EFCAB6: variants seen among roughly 807,000 people sequenced by gnomAD.
EFCAB6 encodes EF-hand calcium-binding domain-containing protein 6.
Under a neutral mutation model 169.8 loss-of-function variants are expected in EFCAB6, and 156 were observed. That is an observed-to-expected ratio of 0.92 (90% CI 0.81 to 1.05). The LOEUF (loss-of-function observed/expected upper bound fraction) is 1.05, where lower values mean the gene tolerates loss of function less well. Among genes scored for constraint, EFCAB6 ranks in the 50% least tolerant of loss-of-function variants. The probability of loss-of-function intolerance (pLI) is 0.00; values close to 1 mark genes in which losing one functional copy is unlikely to be tolerated. For synonymous variants in EFCAB6, 698 were observed against 676.4 expected, an observed-to-expected ratio of 1.03 and a Z score of -0.50; for missense variants, 1,800 against 1,829.1, an observed-to-expected ratio of 0.98 and a Z score of 0.29.
At chr22:43,775,034 G>A (rs2061594795) in intron 3 of EFCAB6, among the ~76,000 whole-genome samples, 1 of 152,046 alleles carries the variant, frequency 6.6e-6, no homozygotes, top group Non-Finnish European at 1.5e-5. Flanking sequence ...CTTAGGAGAG[G>A]AGTGACACAG....
intron 26 of EFCAB6, among the ~76,000 whole-genome samples, chr22:43,561,167 G>A (rs1434915677): frequency 6.6e-6 from 1 of 152,086 alleles, no homozygotes; most frequent in Non-Finnish European, 1.5e-5. Flanking sequence ...GACCAGCCTG[G>A]CCAATACAGC....
Position 43,537,335 on chromosome 22 carries a change from G to T in EFCAB6, c.4048+42C>A. 1 of 1,603,150 alleles carries T rather than the reference G, an allele frequency of 6.2e-7. No individual in the cohort carries two copies. Among genetic ancestry groups the T allele is most frequent in the African/African-American group, 1.3e-5 (1 of 74,796 alleles). On this transcript the variant is annotated intron_variant, in intron 29 of 31. Coordinates refer to ENST00000262726, the MANE Select transcript of EFCAB6 (RefSeq NM_022785.4). The surrounding 1 kb of genome is among the most constrained non-coding windows in gnomAD (Gnocchi z 4.3). ...CAGTGGGAACAGCCTCTTGCCACAG[G>T]GGCTGACCACATATTACCAAGCAGA...
In EFCAB6 at chr22:43,760,908, C is replaced by A. The variant is rs191113292; in HGVS notation, c.440+4397G>T. Reference sequence around the variant, plus strand: ...GAACTCCTAACCTCAAGTGATCCACCCGCCTTGGCCTCCCAAACATTTTGA... The same window carrying A: ...GAACTCCTAACCTCAAGTGATCCACACGCCTTGGCCTCCCAAACATTTTGA... On this transcript the variant is annotated intron_variant, in intron 5 of 31. Transcript: ENST00000262726. Among the ~76,000 whole-genome samples the A allele has an allele frequency of 3.1e-3, 471 of 152,310 alleles. 3 individuals carry two copies. Among genetic ancestry groups the A allele is most frequent in the African/African-American group, 0.011 (456 of 41,568 alleles).
intron 17 of EFCAB6, among the ~76,000 whole-genome samples, chr22:43,658,338 AG>A (rs1427214538): frequency 1.3e-5 from 2 of 152,216 alleles, no homozygotes; most frequent in Admixed American, 6.5e-5. Flanking sequence ...GAGGCGACCT[AG>A]GGATGTGTGA....
At chr22:43,741,334 C>T (rs994557774) in intron 6 of EFCAB6, among the ~76,000 whole-genome samples, 1 of 152,060 alleles carries the variant, frequency 6.6e-6, no homozygotes, top group Non-Finnish European at 1.5e-5. Context: ...CTTTATCTGC[C>T]CCTTTTCACT....
intron 23 of EFCAB6, among the ~76,000 whole-genome samples, chr22:43,590,902 G>A (rs1264980559): frequency 6.6e-6 from 1 of 152,194 alleles, no homozygotes; most frequent in Non-Finnish European, 1.5e-5. Flanking sequence ...GAAGGGCAGT[G>A]AGCGAAGAGT....
At chr22:43,636,203 G>T (rs2055383422) in intron 17 of EFCAB6, among the ~76,000 whole-genome samples, 1 of 152,204 alleles carries the variant, frequency 6.6e-6, no homozygotes, top group Admixed American at 6.5e-5. Flanking sequence ...TGAAGAAAGT[G>T]TGTTGAGGGG....
At chr22:43,644,164 T>A (rs1412337418) in intron 17 of EFCAB6, among the ~76,000 whole-genome samples, 2 of 152,194 alleles carry the variant, frequency 1.3e-5, no homozygotes, top group African/African-American at 4.8e-5. Context: ...TGGACCTGCT[T>A]TATGTAGATT....
chr22:43,699,438 G>A (rs761383653), intron 10 of EFCAB6, among the ~76,000 whole-genome samples: 2 of 152,066 alleles, frequency 1.3e-5, no homozygotes, highest in Admixed American at 6.5e-5. Context: ...CCCCCTGTTC[G>A]TATCCCTGAG....
intron 23 of EFCAB6, among the ~76,000 whole-genome samples, chr22:43,596,642 A>G (rs1844751967): frequency 6.6e-6 from 1 of 152,132 alleles, no homozygotes; most frequent in Non-Finnish European, 1.5e-5. Flanking sequence ...TCATGGATTG[A>G]AAGAATTAAT....
intron 10 of EFCAB6, among the ~76,000 whole-genome samples, chr22:43,690,343 C>CAAAAAAAA (rs137802): frequency 6.1e-4 from 58 of 95,804 alleles, no homozygotes; most frequent in African/African-American, 2.1e-3. Flanking sequence ...ACTAAAAATA[C>CAAAAAAAA]AAAAAAAAAA....
intron 27 of EFCAB6, among the ~76,000 whole-genome samples, chr22:43,542,238 TCTCCTCTTCTAACAGGGTGG>T (rs2047774898): frequency 6.6e-6 from 1 of 152,144 alleles, no homozygotes; most frequent in Admixed American, 6.5e-5. Context: ...CACCTAAGGA[TCTCCTCTTCTAACAGGGTGG>T]CTGGGGCTGG....
At chr22:43,581,670 T>C (rs1165619598) in intron 24 of EFCAB6, among the ~76,000 whole-genome samples, 1 of 152,218 alleles carries the variant, frequency 6.6e-6, no homozygotes. Flanking sequence ...AGTGTCAACG[T>C]AGAAGAGCTT....
intron 13 of EFCAB6, among the ~76,000 whole-genome samples, chr22:43,676,414 G>A (rs1320922712): frequency 1.7e-4 from 22 of 125,988 alleles, no homozygotes; most frequent in Admixed American, 9.6e-4. Flanking sequence ...GCAAGACTCC[G>A]TCTCAAAAAA....
At chr22:43,761,069 C>G (rs557472061) in intron 5 of EFCAB6, among the ~76,000 whole-genome samples, 1 of 152,318 alleles carries the variant, frequency 6.6e-6, no homozygotes, top group African/African-American at 2.4e-5. Context: ...CAGGCGTAAG[C>G]CACTGCACCC....
intron 17 of EFCAB6, among the ~76,000 whole-genome samples, chr22:43,636,609 C>CTTTTT (rs907909699): frequency 2.2e-4 from 28 of 126,270 alleles, no homozygotes; most frequent in South Asian, 2.6e-4. Context: ...CAGTTCTTTT[C>CTTTTT]TTTTTTTTTT....
chr22:43,608,653 CAGA>C, intron 21 of EFCAB6, 53 bp from the exon 22 acceptor site: 2 of 1,548,626 alleles, frequency 1.3e-6, no homozygotes, highest in Non-Finnish European at 1.8e-6. Flanking sequence ...CGTATGACAG[CAGA>C]AAAGATGTTC....
At chr22:43,597,132 A>G (rs1341478959) in intron 23 of EFCAB6, among the ~76,000 whole-genome samples, 1 of 152,222 alleles carries the variant, frequency 6.6e-6, no homozygotes, top group Non-Finnish European at 1.5e-5. Context: ...ATGTAAGACC[A>G]TAAACTATGA....
chr22:43,685,188 G>A (rs1247792278), intron 11 of EFCAB6, among the ~76,000 whole-genome samples: 2 of 152,122 alleles, frequency 1.3e-5, no homozygotes, highest in Admixed American at 6.5e-5. Flanking sequence ...GATGCCTCTG[G>A]GTACCAAGTT....
Sources: gnomAD v4.1 joint callset for allele counts (sites outside exome capture counted in the v4.1 genomes callset) on GRCh38, gnomAD v4.1.1 for gene constraint, Gnocchi (gnomAD v3.1) non-coding constraint, MANE v1.5 for transcripts, NCBI Gene and HGNC (gene_info 2026-07-23, HGNC 2026-07-21) for gene names.